ZNF445: variants seen among roughly 807,000 people sequenced by gnomAD.
The protein encoded by ZNF445 is zinc finger protein 168.
ZNF445 carries 19 observed loss-of-function variants against 93.9 expected under a neutral mutation model. That is an observed-to-expected ratio of 0.20 (90% CI 0.14 to 0.30). The LOEUF (loss-of-function observed/expected upper bound fraction) is 0.30, where lower values mean the gene tolerates loss of function less well. Among genes scored for constraint, ZNF445 ranks in the 10% least tolerant of loss-of-function variants. The probability of loss-of-function intolerance (pLI) is 1.00; values close to 1 mark genes in which losing one functional copy is unlikely to be tolerated. For synonymous variants in ZNF445, 449 were observed against 446.3 expected, an observed-to-expected ratio of 1.01 and a Z score of -0.08; for missense variants, 1,058 against 1,259.4, an observed-to-expected ratio of 0.84 and a Z score of 2.42.
Position 44,442,929 on chromosome 3 carries a change from G to C in ZNF445, c.*3646C>G, listed in dbSNP as rs1697829274. ...CAGATTCCTTAACAGAGGTAATTTTGTGCAAGATATTTTCTGCATGGCAAA... is the reference window on the plus strand; with the variant it reads ...CAGATTCCTTAACAGAGGTAATTTTCTGCAAGATATTTTCTGCATGGCAAA... On this transcript the variant is annotated 3_prime_UTR_variant, in exon 8 of 8. Coordinates refer to ENST00000396077, the MANE Select transcript of ZNF445 (RefSeq NM_181489.6). 6.6e-6 allele frequency: 1 copy of C among 152,178 alleles called. No homozygotes were observed. The highest frequency in any genetic ancestry group is 6.5e-5 in the Admixed American group (1 of 15,272). 9.4% of individuals were successfully genotyped at this position (152,178 alleles called of 1,614,324 possible).
In ZNF445 at chr3:44,454,678, T is replaced by C. The variant is rs566036270; in HGVS notation, c.429+443A>G. The stretch of plus-strand genomic sequence containing the variant: ...CTGCACTCAAGCAATCCGCCCACCT[T>C]GGACTCTAAAGTGCTTAGATTACAG... On this transcript the variant is annotated intron_variant, in intron 3 of 7. Transcript: ENST00000396077. Among the ~76,000 whole-genome samples the C allele has an allele frequency of 3.3e-5, 5 of 152,212 alleles. No homozygotes were observed. In the East Asian group the frequency reaches 7.7e-4, roughly 24 times the overall value.
chr3:44,442,957 GATAA>G lies in ZNF445; in HGVS notation c.*3614_*3617del, dbSNP rs1697829585. The G allele has an allele frequency of 6.6e-6, 1 of 152,228 alleles. No homozygotes were observed. The allele number at this position is 152,228 out of a possible 1,614,324, so 9.4% of individuals were successfully genotyped here. On this transcript the variant is annotated 3_prime_UTR_variant, in exon 8 of 8. Coordinates refer to ENST00000396077, the MANE Select transcript of ZNF445 (RefSeq NM_181489.6). ...CAAGATATTTTCTGCATGGCAAACA[GATAA>G]ATAAGCACCCAACCCTGGCTTCCAG...
At chr3:44,465,743 T>C (rs1318355979) in intron 1 of ZNF445, among the ~76,000 whole-genome samples, 2 of 152,104 alleles carry the variant, frequency 1.3e-5, no homozygotes, top group African/African-American at 4.8e-5. Context: ...TGAAACCCCA[T>C]CTCTACTAAA....
chr3:44,463,645 G>A (rs775618080), intron 1 of ZNF445, among the ~76,000 whole-genome samples: 7 of 152,188 alleles, frequency 4.6e-5, no homozygotes, highest in African/African-American at 7.2e-5. Flanking sequence ...TTAAGGGATG[G>A]CTAAGAGTAG....
rs915255023 is a variant in ZNF445, at chr3:44,439,752, T to A, written c.*6823A>T. The A allele has an allele frequency of 1.3e-5, 2 of 152,254 alleles. No individual in the cohort carries two copies. Among genetic ancestry groups the A allele is most frequent in the Non-Finnish European group, 2.9e-5 (2 of 68,058 alleles). 9.4% of individuals were successfully genotyped at this position (152,254 alleles called of 1,614,324 possible). A position where few individuals can be genotyped will look rare whatever the true frequency, so the allele number is the denominator to read the frequency against. On this transcript the variant is annotated 3_prime_UTR_variant, in exon 8 of 8. Coordinates refer to ENST00000396077, the MANE Select transcript of ZNF445 (RefSeq NM_181489.6). ...AAACTGGTTCGGATGTTGAAACTGA[T>A]GACACTGCAGACACCAAGAGGTTAT...
rs757299702 is a variant in ZNF445 at position 44,446,988 on chromosome 3, G to C, written c.2683C>G (p.Pro895Ala). The C allele has an allele frequency of 1.9e-6, 3 of 1,614,072 alleles. No individual in the cohort carries two copies. The Admixed American group carries it at 5.0e-5, about 27-fold the overall frequency. The change falls in exon 8 of 8, where the codon CCT (proline) becomes GCT (alanine). Residue 895 changes from proline to alanine, a missense_variant. Around this residue, in one of 3 missense-constraint regions of ZNF445, gnomAD observed 387 missense variants for 475.7 expected, o/e 0.81. Coordinates refer to ENST00000396077, the MANE Select transcript of ZNF445 (RefSeq NM_181489.6). The surrounding 1 kb of genome is among the most constrained non-coding windows in gnomAD (Gnocchi z 4.2). ...NHQRIHSTERPFKCQWCGKEF... is the reference protein window; with the variant it reads ...NHQRIHSTERAFKCQWCGKEF... The stretch of plus-strand genomic sequence containing the variant: ...TTCCCACACCACTGACATTTGAAAG[G>C]TCTCTCTGTAGAGTGGATCCTCTGA...
chr3:44,465,632 G>A (rs905650857), intron 1 of ZNF445, among the ~76,000 whole-genome samples: 4 of 152,166 alleles, frequency 2.6e-5, no homozygotes, highest in Non-Finnish European at 5.9e-5. Flanking sequence ...CTAGCTTTAG[G>A]CTGGGAGTGG....
At chr3:44,474,110 A>C (rs894327162) in intron 1 of ZNF445, among the ~76,000 whole-genome samples, 4 of 152,234 alleles carry the variant, frequency 2.6e-5, no homozygotes, top group Non-Finnish European at 4.4e-5. Flanking sequence ...GCAAAGTAGT[A>C]AACTATCTTC....
chr3:44,465,067 A>T (rs1385549452), intron 1 of ZNF445, among the ~76,000 whole-genome samples: 2 of 15,326 alleles, frequency 1.3e-4, no homozygotes, highest in Non-Finnish European at 2.7e-4. Context: ...ACTCCGCCTA[A>T]AAAAAAAAAA....
In ZNF445 at chr3:44,446,315, G is replaced by T; in HGVS notation, c.*260C>A. 1 of 484,600 alleles carries T rather than the reference G, an allele frequency of 2.1e-6. No individual in the cohort carries two copies. Among genetic ancestry groups the T allele is most frequent in the Admixed American group, 3.8e-5 (1 of 26,080 alleles). 30.0% of individuals were successfully genotyped at this position (484,600 alleles called of 1,614,324 possible). A position where few individuals can be genotyped will look rare whatever the true frequency, so the allele number is the denominator to read the frequency against. The stretch of plus-strand genomic sequence containing the variant: ...AGGAGACCTGAATAGGGGAGCCGCA[G>T]GCTATGGTGCAGAGGCCACTCCTAG... On this transcript the variant is annotated 3_prime_UTR_variant, in exon 8 of 8. Coordinates refer to ENST00000396077, the MANE Select transcript of ZNF445 (RefSeq NM_181489.6). The surrounding 1 kb of genome is among the most constrained non-coding windows in gnomAD (Gnocchi z 4.2).
intron 1 of ZNF445, among the ~76,000 whole-genome samples, chr3:44,467,628 T>C (rs1317091708): frequency 4.6e-5 from 7 of 152,212 alleles, no homozygotes. Flanking sequence ...AAAAGTCTTA[T>C]CTGAGATTCT....
chr3:44,451,127 T>C (rs1328089816), intron 4 of ZNF445, among the ~76,000 whole-genome samples, 165 bp from the exon 5 acceptor site: 1 of 151,096 alleles, frequency 6.6e-6, no homozygotes, highest in Admixed American at 6.6e-5. Flanking sequence ...AAAGGGGTAG[T>C]GGGATGGGGG....
Position 44,455,072 on chromosome 3 carries a change from T to G in ZNF445, c.429+49A>C, listed in dbSNP as rs202027062. On this transcript the variant is annotated intron_variant, in intron 3 of 7. Transcript: ENST00000396077. Reference sequence around the variant, plus strand: ...CACCCCCATCCCCAGACAAGCTGGCTCACTAGCAGGCAGAGTTCCCTGGGC... The same window carrying G: ...CACCCCCATCCCCAGACAAGCTGGCGCACTAGCAGGCAGAGTTCCCTGGGC... 5.0e-4 allele frequency: 809 copies of G among 1,611,428 alleles called. 4 individuals carry two copies. The highest frequency in any genetic ancestry group is 9.8e-5 in the Non-Finnish European group (116 of 1,178,248).
intron 1 of ZNF445, among the ~76,000 whole-genome samples, chr3:44,459,466 A>C (rs375420332): frequency 6.6e-6 from 1 of 152,180 alleles, no homozygotes; most frequent in Non-Finnish European, 1.5e-5. Flanking sequence ...GTGGTTAATA[A>C]AATCCCAACC....
chr3:44,447,449 G>A lies in ZNF445; in HGVS notation c.2222C>T (p.Pro741Leu), dbSNP rs375058703. ...HAMKRKPEGGPSFSQDTVFQV... is the reference protein window; with the variant it reads ...HAMKRKPEGGLSFSQDTVFQV... ...GAACACTGTGTCCTGACTAAAAGAT[G>A]GCCCGCCCTCAGGTTTTCTTTTCAT... The change falls in exon 8 of 8, where the codon CCA becomes CTA. Residue 741 changes from proline (P) to leucine (L), a missense_variant. Coordinates refer to ENST00000396077, the MANE Select transcript of ZNF445 (RefSeq NM_181489.6). This position sits in a 1 kb window ranked among gnomAD's most constrained non-coding sequence, Gnocchi z 4.7. 3.7e-6 allele frequency: 6 copies of A among 1,614,190 alleles called. No individual in the cohort carries two copies. Among genetic ancestry groups the A allele is most frequent in the East Asian group, 2.2e-5 (1 of 44,878 alleles).
At position 44,438,912 on chromosome 3, in the gene ZNF445, A is replaced by G. The variant is rs1298188980; in HGVS notation, c.*7663T>C. The G allele has an allele frequency of 2.0e-5, 3 of 147,748 alleles. No homozygotes were observed. The highest frequency in any genetic ancestry group is 4.5e-5 in the Non-Finnish European group (3 of 67,126). The allele number at this position is 147,748 out of a possible 1,614,324, so 9.2% of individuals were successfully genotyped here. ...GGGATAGCATTGGGAGATATACCTA[A>G]TGCTAGATGATGAGTTAGTGGGTGC... On this transcript the variant is annotated 3_prime_UTR_variant, in exon 8 of 8. Coordinates refer to ENST00000396077, the MANE Select transcript of ZNF445 (RefSeq NM_181489.6).
intron 4 of ZNF445, 29 bp downstream of exon 4, chr3:44,451,285 C>T (rs780877627): frequency 1.2e-6 from 2 of 1,607,392 alleles, no homozygotes; most frequent in Admixed American, 1.7e-5. Flanking sequence ...TGGCATAAGG[C>T]TGGGGTCTTA....
rs921997354 is a variant in ZNF445, at chr3:44,443,365, T to A, written c.*3210A>T. The A allele has an allele frequency of 6.6e-6, 1 of 152,196 alleles. No individual in the cohort carries two copies. Among genetic ancestry groups the A allele is most frequent in the Non-Finnish European group, 1.5e-5 (1 of 68,032 alleles). 9.4% of individuals were successfully genotyped at this position (152,196 alleles called of 1,614,324 possible). ...ACTAAAATTATTTGAAAACTCAGGT[T>A]ATTGGACAAATAGGTTCAGTATAAT... On this transcript the variant is annotated 3_prime_UTR_variant, in exon 8 of 8. Coordinates refer to ENST00000396077, the MANE Select transcript of ZNF445 (RefSeq NM_181489.6).
chr3:44,441,581 A>G lies in ZNF445; in HGVS notation c.*4994T>C, dbSNP rs1464698925. The G allele has an allele frequency of 6.6e-6, 1 of 152,176 alleles. No individual in the cohort carries two copies. The highest frequency in any genetic ancestry group is 1.9e-4 in the East Asian group (1 of 5,196). 9.4% of individuals were successfully genotyped at this position (152,176 alleles called of 1,614,324 possible). A position where few individuals can be genotyped will look rare whatever the true frequency, so the allele number is the denominator to read the frequency against. ...GAAGCCTTGAAAGATTAGGTGGCTC[A>G]CTCTAAGTAACATCATGTACCTGGC... On this transcript the variant is annotated 3_prime_UTR_variant, in exon 8 of 8. Transcript: ENST00000396077.
Sources: gnomAD v4.1 joint callset for allele counts (sites outside exome capture counted in the v4.1 genomes callset) on GRCh38, gnomAD v4.1.1 for gene constraint, gnomAD v4.1.1 regional missense constraint, Gnocchi (gnomAD v3.1) non-coding constraint, MANE v1.5 for transcripts, NCBI Gene and HGNC (gene_info 2026-07-23, HGNC 2026-07-21) for gene names.